The following PCDHGA2 variants were observed in gnomAD, a reference collection of about 807,000 sequenced individuals.
PCDHGA2 encodes protocadherin gamma-A2.
In PCDHGA2, 40 loss-of-function variants were observed where a neutral mutation model predicts 59.2. That is an observed-to-expected ratio of 0.68 (90% CI 0.52 to 0.88). PCDHGA2 has a LOEUF of 0.88. PCDHGA2 is among the 40% of genes least tolerant of loss of function. The probability of loss-of-function intolerance (pLI) is 0.00; values close to 1 mark genes in which losing one functional copy is unlikely to be tolerated. For missense variants in PCDHGA2, 1,226 were observed against 1,204.0 expected (o/e 1.02, Z -0.27); for synonymous variants, 560 against 526.0 (o/e 1.06, Z -0.89).
intron 1 of PCDHGA2, among the ~76,000 whole-genome samples, chr5:141,434,848 C>T (rs1224972794): frequency 6.6e-6 from 1 of 151,786 alleles, no homozygotes; most frequent in Non-Finnish European, 1.5e-5. Context: ...AAGCAGACAT[C>T]AATAAATTTA....
chr5:141,375,163 A>G (rs1313060581), intron 1 of PCDHGA2: 1 of 1,613,892 alleles, frequency 6.2e-7, no homozygotes, highest in South Asian at 1.1e-5. Context: ...CTGAAAGTGC[A>G]CCTCCAGGAA....
intron 1 of PCDHGA2, chr5:141,422,968 C>A (rs766010601): frequency 6.2e-7 from 1 of 1,614,240 alleles, no homozygotes; most frequent in Non-Finnish European, 8.5e-7. Context: ...GCTGGCGCCC[C>A]GCTCTGCGGA....
chr5:141,395,126 C>T, intron 1 of PCDHGA2: 3 of 1,614,196 alleles, frequency 1.9e-6, no homozygotes, highest in Non-Finnish European at 2.5e-6. Flanking sequence ...TGATCTTTCC[C>T]CAGCCCAACT....
In PCDHGA2 at chr5:141,374,604, G is replaced by A. The variant is rs538426396; in HGVS notation, c.2424+33209G>A. ...TCCCTTCAGGGATTTAAGCTCAGTG[G>A]TAATAGTCACTTCTCAGTGGACGTG... On this transcript the variant is annotated intron_variant, in intron 1 of 3. Coordinates refer to ENST00000394576, the MANE Select transcript of PCDHGA2 (RefSeq NM_018915.4). 4.6e-5 allele frequency: 75 copies of A among 1,613,652 alleles called. No individual in the cohort carries two copies. In the South Asian group the frequency reaches 6.8e-4, roughly 15 times the overall value.
At chr5:141,423,346 G>T in intron 1 of PCDHGA2, 1 of 1,614,214 alleles carries the variant, frequency 6.2e-7, no homozygotes, top group South Asian at 1.1e-5. Context: ...CATCTTCCTG[G>T]TCTTTGTCAT....
intron 1 of PCDHGA2, chr5:141,387,731 C>A (rs909205011): frequency 6.4e-6 from 8 of 1,254,262 alleles, no homozygotes; most frequent in East Asian, 2.5e-5. Flanking sequence ...CCAGCGCCAG[C>A]CTTTACACCG....
chr5:141,479,616 C>A (rs1371541860), intron 1 of PCDHGA2: 2 of 152,232 alleles, frequency 1.3e-5, no homozygotes, highest in African/African-American at 4.8e-5. Flanking sequence ...TATAGGGAAA[C>A]CATGTCTCTT....
chr5:141,392,305 GT>G (rs148037308), intron 1 of PCDHGA2: 5,240 of 152,054 alleles, frequency 0.034, 107 homozygotes, highest in Middle Eastern at 0.088. Flanking sequence ...AAAGTATCAT[GT>G]TTTTTTTAAG....
At chr5:141,390,146 T>C (rs2092063198) in intron 1 of PCDHGA2, 1 of 1,614,026 alleles carries the variant, frequency 6.2e-7, no homozygotes, top group Non-Finnish European at 8.5e-7. Context: ...ATCTATGTGT[T>C]GCACATACAG....
rs574260415 is a variant in PCDHGA2, at chr5:141,354,689, C to T, written c.2424+13294C>T. On this transcript the variant is annotated intron_variant, in intron 1 of 3. Transcript: ENST00000394576. ...TTAGGAGAGATAATTATGTCCCTCA[C>T]ACAATACGCTATACTGAGAATGGGC... Among the ~76,000 whole-genome samples, 8 of 152,264 alleles carry T rather than the reference C, an allele frequency of 5.3e-5. No individual in the cohort carries two copies. In the East Asian group the frequency reaches 1.5e-3, roughly 29 times the overall value.
intron 1 of PCDHGA2, chr5:141,375,011 G>A (rs1035429416): frequency 1.2e-6 from 2 of 1,614,028 alleles, no homozygotes; most frequent in African/African-American, 1.3e-5. Context: ...TCTAGACTAT[G>A]AGGACTCGAG....
chr5:141,366,798 T>C, intron 1 of PCDHGA2: 1 of 1,567,294 alleles, frequency 6.4e-7, no homozygotes, highest in Non-Finnish European at 8.7e-7. Context: ...TTTCATTTGT[T>C]TCCTTTTTCA....
chr5:141,503,222 G>C (rs540244346), intron 2 of PCDHGA2, among the ~76,000 whole-genome samples: 1 of 152,120 alleles, frequency 6.6e-6, no homozygotes, highest in Middle Eastern at 3.4e-3. Context: ...CATGAGCACC[G>C]TAAAGATGGA....
chr5:141,421,787 C>A (rs753196648), intron 1 of PCDHGA2: 1 of 1,613,812 alleles, frequency 6.2e-7, no homozygotes, highest in East Asian at 2.2e-5. Flanking sequence ...CGGGGCAGAA[C>A]GGATGGGGCC....
chr5:141,405,176 G>A (rs917679696), intron 1 of PCDHGA2: 3 of 1,614,068 alleles, frequency 1.9e-6, no homozygotes, highest in Non-Finnish European at 2.5e-6. Context: ...ACACTTTGTG[G>A]GTGTAGATGG....
chr5:141,352,219 C>A lies in PCDHGA2; in HGVS notation c.2424+10824C>A. ...GAGGACAGCCGCCACTCTCCGCCACCGCCACGCTGCACCTAATCTTCGCGG... is the reference window on the plus strand; with the variant it reads ...GAGGACAGCCGCCACTCTCCGCCACAGCCACGCTGCACCTAATCTTCGCGG... On this transcript the variant is annotated intron_variant, in intron 1 of 3. Coordinates refer to ENST00000394576, the MANE Select transcript of PCDHGA2 (RefSeq NM_018915.4). The A allele has an allele frequency of 3.7e-6, 6 of 1,614,030 alleles. 1 individual carries two copies. Among genetic ancestry groups the A allele is most frequent in the South Asian group, 2.2e-5 (2 of 91,088 alleles).
chr5:141,408,643 C>G (rs751905674), intron 1 of PCDHGA2: 2 of 1,613,910 alleles, frequency 1.2e-6, no homozygotes, highest in Admixed American at 1.7e-5. Context: ...AATCTGCATC[C>G]GCTGGTACAC....
In PCDHGA2 at chr5:141,340,152, T is replaced by C. The variant is rs762752344; in HGVS notation, c.1181T>C (p.Leu394Ser). The C allele has an allele frequency of 1.6e-5, 26 of 1,614,176 alleles. No homozygotes were observed. In the East Asian group the frequency reaches 1.8e-4, roughly 11 times the overall value. ...CSLPEDLPFK[L>S]EKSVDNYYRL... ...CTCCCCGAGGATCTTCCTTTTAAGT[T>C]AGAAAAGTCAGTAGACAATTACTAC... Residue 394 changes from leucine (L) to serine (S), a missense_variant, in exon 1 of 4, where the codon TTA becomes TCA. Transcript: ENST00000394576.
At chr5:141,508,664 T>C (rs1381178258) in intron 3 of PCDHGA2, among the ~76,000 whole-genome samples, 1 of 152,030 alleles carries the variant, frequency 6.6e-6, no homozygotes, top group Non-Finnish European at 1.5e-5. Context: ...TGTCATTCTG[T>C]CTCTGCCTCC....
Sources: gnomAD v4.1 joint callset for allele counts (sites outside exome capture counted in the v4.1 genomes callset) on GRCh38, gnomAD v4.1.1 for gene constraint, MANE v1.5 for transcripts, NCBI Gene and HGNC (gene_info 2026-07-23, HGNC 2026-07-21) for gene names.